TAMM41: variants seen among roughly 807,000 people sequenced by gnomAD.
TAMM41 encodes the protein phosphatidate cytidylyltransferase, mitochondrial.
Under a neutral mutation model 44.1 loss-of-function variants are expected in TAMM41, and 36 were observed. The ratio of observed to expected loss-of-function variants is 0.82; its 90% CI spans 0.63 to 1.08. TAMM41 has a LOEUF of 1.08. TAMM41 is among the 50% of genes least tolerant of loss of function. The pLI, the probability that TAMM41 is intolerant of heterozygous loss-of-function variation, is 0.00. For synonymous variants in TAMM41, 164 were observed against 153.1 expected (o/e 1.07, Z -0.53); for missense variants, 417 against 404.3 (o/e 1.03, Z -0.27).
intron 1 of TAMM41, 124 bp from the exon 2 acceptor site, chr3:11,844,335 C>G (rs1161072722): frequency 3.1e-5 from 27 of 865,068 alleles, no homozygotes; most frequent in Non-Finnish European, 4.3e-5. Context: ...GTGCTGTCAT[C>G]AGAAATGTGA....
At chr3:11,749,358 C>T in the TAMM41 span, among the ~76,000 whole-genome samples, 2 of 152,164 alleles carry the variant, frequency 1.3e-5, no homozygotes, top group East Asian at 3.9e-4. Context: ...CATTTGACTA[C>T]AAAACTGGAC....
At chr3:11,819,611 C>T (rs922902091) in intron 4 of TAMM41, among the ~76,000 whole-genome samples, 1 of 152,110 alleles carries the variant, frequency 6.6e-6, no homozygotes, top group African/African-American at 2.4e-5. Context: ...AAAAGTATAA[C>T]AGGCTGGGCA....
the TAMM41 span, among the ~76,000 whole-genome samples, chr3:11,751,184 C>T: frequency 6.0e-5 from 9 of 150,996 alleles, no homozygotes; most frequent in East Asian, 1.4e-3. Flanking sequence ...CTCTGCCTCC[C>T]GGGTTCAAGC....
the TAMM41 span, among the ~76,000 whole-genome samples, chr3:11,744,118 A>G: frequency 2.0e-5 from 3 of 151,956 alleles, no homozygotes; most frequent in South Asian, 4.2e-4. Flanking sequence ...CCCAGGTTGG[A>G]GTGCAATGGT....
intron 4 of TAMM41, among the ~76,000 whole-genome samples, chr3:11,819,582 G>A (rs1189997226): frequency 6.6e-6 from 1 of 152,164 alleles, no homozygotes; most frequent in African/African-American, 2.4e-5. Context: ...TTAATATGCA[G>A]TAAGAAACAA....
intron 7 of TAMM41, 59 bp from the exon 8 acceptor site, chr3:11,790,640 G>A: frequency 3.5e-6 from 5 of 1,428,146 alleles, no homozygotes; most frequent in Non-Finnish European, 4.9e-6. Context: ...GATGCTCAGA[G>A]TTTCAGTGAC....
At chr3:11,819,768 C>T (rs1248593746) in intron 4 of TAMM41, among the ~76,000 whole-genome samples, 1 of 151,790 alleles carries the variant, frequency 6.6e-6, no homozygotes, top group Non-Finnish European at 1.5e-5. Context: ...ACAAAAAAAA[C>T]TTCATAAAAA....
intron 4 of TAMM41, among the ~76,000 whole-genome samples, chr3:11,820,797 T>C (rs1039048571): frequency 6.6e-6 from 1 of 152,228 alleles, no homozygotes; most frequent in Non-Finnish European, 1.5e-5. Flanking sequence ...TTTATGCCTC[T>C]AGAACTGCCA....
chr3:11,845,591 C>A (rs2470568), intron 1 of TAMM41, among the ~76,000 whole-genome samples: 62,835 of 151,892 alleles, frequency 0.41, 13,332 homozygotes, highest in Middle Eastern at 0.57. Context: ...AATAACTAGC[C>A]TATAATAACC....
chr3:11,808,728 T>A, intron 6 of TAMM41: 2 of 644,348 alleles, frequency 3.1e-6, no homozygotes. Flanking sequence ...AGGCTCTTTT[T>A]TTTGTTTGTT....
chr3:11,774,479 A>G, the TAMM41 span, among the ~76,000 whole-genome samples: 2 of 152,156 alleles, frequency 1.3e-5, no homozygotes, highest in Non-Finnish European at 2.9e-5. Flanking sequence ...CAGAAGAGGG[A>G]GCACTTTCCG....
Position 11,800,330 on chromosome 3 carries a change from G to T in TAMM41, c.937+7503C>A, listed in dbSNP as rs577137783. Among the ~76,000 whole-genome samples, 3 of 152,134 alleles carry T rather than the reference G, an allele frequency of 2.0e-5. No individual in the cohort carries two copies. The East Asian group carries it at 5.8e-4, about 29-fold the overall frequency. The stretch of plus-strand genomic sequence containing the variant: ...TCACATATCAATATTAACTTTAAAT[G>T]TAAATGCATTAAATGCTTCATTTAA... On this transcript the variant is annotated intron_variant, in intron 7 of 7. Coordinates refer to ENST00000455809, the MANE Select transcript of TAMM41 (RefSeq NM_001284401.2).
At chr3:11,786,368 G>C (rs952012341), downstream of TAMM41, among the ~76,000 whole-genome samples, 5 of 150,540 alleles carry the variant, frequency 3.3e-5, no homozygotes, top group African/African-American at 9.8e-5. Flanking sequence ...ACAGTGGCAC[G>C]ATCTTGGCTC....
At chr3:11,796,077 A>T (rs1230206410) in intron 7 of TAMM41, among the ~76,000 whole-genome samples, 2 of 152,240 alleles carry the variant, frequency 1.3e-5, no homozygotes, top group Non-Finnish European at 2.9e-5. Flanking sequence ...ACATTTGAAC[A>T]TGAGTGTATG....
At position 11,829,848 on chromosome 3, in the gene TAMM41, A is replaced by G. The variant is rs1349530631; in HGVS notation, c.428T>C (p.Val143Ala). The G allele has an allele frequency of 3.1e-6, 5 of 1,614,198 alleles. No homozygotes were observed. The highest frequency in any genetic ancestry group is 4.2e-6 in the Non-Finnish European group (5 of 1,180,024). ...RLQKPVKIIS[V>A]NEDVTLRSAL... ...TGATCTAAGAGTGACATCCTCGTTC[A>G]CTGAGATAATTTTCACCTGAAAGAA... Residue 143 changes from valine (V) to alanine (A), a missense_variant, in exon 4 of 8, where the codon GTG becomes GCG. Coordinates refer to ENST00000455809, the MANE Select transcript of TAMM41 (RefSeq NM_001284401.2).
the TAMM41 span, among the ~76,000 whole-genome samples, chr3:11,739,911 CCAGTGCCTGGCA>C: frequency 6.6e-6 from 1 of 152,108 alleles, no homozygotes; most frequent in Non-Finnish European, 1.5e-5. Flanking sequence ...ACTGCAGAAT[CCAGTGCCTGGCA>C]CAGAGCCTGA....
intron 7 of TAMM41, among the ~76,000 whole-genome samples, chr3:11,806,327 A>G (rs1253701323): frequency 6.6e-6 from 1 of 152,224 alleles, no homozygotes; most frequent in Admixed American, 6.5e-5. Flanking sequence ...AAAAATGGGA[A>G]GAAAAGAGTA....
chr3:11,815,200 A>G (rs2078233667), intron 5 of TAMM41, among the ~76,000 whole-genome samples: 1 of 152,132 alleles, frequency 6.6e-6, no homozygotes, highest in South Asian at 2.1e-4. Flanking sequence ...TCAGAGTATA[A>G]ACCGTGGAAG....
chr3:11,846,441 G>A (rs1348242970), intron 1 of TAMM41, 61 bp downstream of exon 1: 4 of 1,602,030 alleles, frequency 2.5e-6, no homozygotes, highest in African/African-American at 2.7e-5. Flanking sequence ...TGAAGGAATC[G>A]AGGGCAAAAC....
Sources: gnomAD v4.1 joint callset for allele counts (sites outside exome capture counted in the v4.1 genomes callset) on GRCh38, gnomAD v4.1.1 for gene constraint, MANE v1.5 for transcripts, NCBI Gene and HGNC (gene_info 2026-07-23, HGNC 2026-07-21) for gene names.